COG5: variants seen among roughly 807,000 people sequenced by gnomAD.
COG5 encodes the protein conserved oligomeric Golgi complex subunit 5.
Under a neutral mutation model 110.4 loss-of-function variants are expected in COG5, and 86 were observed. The ratio of observed to expected loss-of-function variants is 0.78; its 90% CI spans 0.65 to 0.93. The LOEUF (loss-of-function observed/expected upper bound fraction) is 0.93, where lower values mean the gene tolerates loss of function less well. Ranked by LOEUF, COG5 falls within the 40% of genes least tolerant of loss-of-function variation. The pLI, the probability that COG5 is intolerant of heterozygous loss-of-function variation, is 0.00. For synonymous variants in COG5, 360 were observed against 334.6 expected, an observed-to-expected ratio of 1.08 and a Z score of -0.83; for missense variants, 1,077 against 987.0, an observed-to-expected ratio of 1.09 and a Z score of -1.22.
At chr7:107,479,205 C>T (rs1325007283) in intron 6 of COG5, among the ~76,000 whole-genome samples, 2 of 152,040 alleles carry the variant, frequency 1.3e-5, no homozygotes, top group Non-Finnish European at 2.9e-5. Context: ...AAAAACATTG[C>T]TGAATAAAGC....
chr7:107,399,604 T>C (rs1022275010), intron 7 of COG5, among the ~76,000 whole-genome samples: 4 of 152,328 alleles, frequency 2.6e-5, no homozygotes, highest in Admixed American at 1.3e-4. Context: ...TGCGGAAATA[T>C]GAGTCAATTA....
intron 6 of COG5, among the ~76,000 whole-genome samples, chr7:107,487,856 T>G (rs1365900559): frequency 6.6e-6 from 1 of 152,094 alleles, no homozygotes; most frequent in African/African-American, 2.4e-5. Flanking sequence ...ATGTCCATAA[T>G]GTAATCTTAG....
intron 12 of COG5, among the ~76,000 whole-genome samples, chr7:107,292,746 A>G (rs1374873952): frequency 1.3e-5 from 2 of 152,210 alleles, no homozygotes; most frequent in Non-Finnish European, 2.9e-5. Flanking sequence ...AGGAGAGAAG[A>G]TAAGAGTAAT....
At chr7:107,350,662 A>T (rs1398389568) in intron 10 of COG5, among the ~76,000 whole-genome samples, 2 of 152,206 alleles carry the variant, frequency 1.3e-5, no homozygotes, top group Admixed American at 6.5e-5. Context: ...CTGGTGGCTA[A>T]AACTAAAAAT....
At chr7:107,389,508 T>C (rs1790458051) in intron 7 of COG5, among the ~76,000 whole-genome samples, 2 of 152,190 alleles carry the variant, frequency 1.3e-5, no homozygotes, top group Non-Finnish European at 2.9e-5. Flanking sequence ...AACCAGGTAA[T>C]ACAATCAATG....
At chr7:107,440,179 C>T (rs747699374) in intron 6 of COG5, among the ~76,000 whole-genome samples, 11 of 152,114 alleles carry the variant, frequency 7.2e-5, no homozygotes, top group Non-Finnish European at 1.0e-4. Flanking sequence ...TTCTTTTAAT[C>T]TTCTTGAGAG....
At chr7:107,372,290 T>C (rs534816608) in intron 8 of COG5, among the ~76,000 whole-genome samples, 3 of 152,290 alleles carry the variant, frequency 2.0e-5, no homozygotes, top group Admixed American at 1.3e-4. Context: ...ATAAGGATTT[T>C]AGAAGAAAAA....
At chr7:107,279,912 G>A (rs766907426) in intron 14 of COG5, among the ~76,000 whole-genome samples, 15 of 151,978 alleles carry the variant, frequency 9.9e-5, no homozygotes, top group African/African-American at 2.7e-4. Flanking sequence ...TTTTGATTTC[G>A]TCTAAGCCTT....
intron 12 of COG5, among the ~76,000 whole-genome samples, chr7:107,292,583 G>A (rs952766195): frequency 6.6e-6 from 1 of 152,136 alleles, no homozygotes; most frequent in African/African-American, 2.4e-5. Flanking sequence ...GGCCTTTCCT[G>A]GGCCTTAAAG....
intron 6 of COG5, chr7:107,469,978 A>G (rs1290601836): frequency 6.6e-6 from 1 of 152,174 alleles, no homozygotes; most frequent in Non-Finnish European, 1.5e-5. Context: ...AGCACAGTTT[A>G]AGCCCAATAC....
chr7:107,501,347 G>A (rs530712896), intron 6 of COG5, among the ~76,000 whole-genome samples: 185 of 152,136 alleles, frequency 1.2e-3, no homozygotes, highest in Non-Finnish European at 2.1e-3. Context: ...TTACTAGTTG[G>A]AAGTACCTTA....
intron 5 of COG5, among the ~76,000 whole-genome samples, chr7:107,542,149 G>A (rs542526164): frequency 6.6e-6 from 1 of 152,014 alleles, no homozygotes; most frequent in Admixed American, 6.5e-5. Flanking sequence ...TCATAAAAGA[G>A]AACTAACCAT....
intron 6 of COG5, among the ~76,000 whole-genome samples, chr7:107,432,232 T>C (rs1015359173): frequency 1.3e-5 from 2 of 152,178 alleles, no homozygotes; most frequent in African/African-American, 4.8e-5. Flanking sequence ...AAAAAGAGTA[T>C]GACAATAATG....
intron 10 of COG5, among the ~76,000 whole-genome samples, chr7:107,348,861 T>C (rs981567861): frequency 1.3e-5 from 2 of 151,936 alleles, no homozygotes; most frequent in Non-Finnish European, 2.9e-5. Flanking sequence ...TATTAGAATT[T>C]TTCTTTTTTT....
At chr7:107,502,510 G>T (rs2129137167) in intron 6 of COG5, among the ~76,000 whole-genome samples, 1 of 152,196 alleles carries the variant, frequency 6.6e-6, no homozygotes, top group South Asian at 2.1e-4. Flanking sequence ...TTCATATAAT[G>T]ACTTCTTTTC....
intron 6 of COG5, chr7:107,473,013 CGTTT>C (rs1796730657): frequency 6.6e-6 from 1 of 151,472 alleles, no homozygotes; most frequent in African/African-American, 2.4e-5. Flanking sequence ...TTAGCAAAAG[CGTTT>C]GTATTTTTTT....
At chr7:107,299,237 A>C (rs773328244) in intron 11 of COG5, among the ~76,000 whole-genome samples, 14 of 152,076 alleles carry the variant, frequency 9.2e-5, no homozygotes, top group South Asian at 2.1e-4. Context: ...GAAACCAAAA[A>C]CTGGTTCTTT....
chr7:107,203,193 A>G lies in COG5; in HGVS notation c.*323T>C, dbSNP rs1470156512. The G allele has an allele frequency of 2.7e-6, 1 of 368,186 alleles. No homozygotes were observed. Among genetic ancestry groups the G allele is most frequent in the East Asian group, 6.4e-5 (1 of 15,504 alleles). The allele number at this position is 368,186 out of a possible 1,614,324, so 22.8% of individuals were successfully genotyped here. ...TTATAACTTGATCATATCCCTTTAAAAGAAGTGGGGACTTTGGGTTTATGT... is the reference window on the plus strand; with the variant it reads ...TTATAACTTGATCATATCCCTTTAAGAGAAGTGGGGACTTTGGGTTTATGT... On this transcript the variant is annotated 3_prime_UTR_variant, in exon 22 of 22. Coordinates refer to ENST00000297135, the MANE Select transcript of COG5 (RefSeq NM_006348.5).
In COG5 at chr7:107,474,935, T is replaced by C; in HGVS notation, c.538+52302A>G. On this transcript the variant is annotated intron_variant, in intron 6 of 21. Coordinates refer to ENST00000297135, the MANE Select transcript of COG5 (RefSeq NM_006348.5). This position sits in a 1 kb window ranked among gnomAD's most constrained non-coding sequence, Gnocchi z 5.7. ...GTAAGAACTTCAGTTTCTGTAATAA[T>C]TGCCCTCCGGCGAGCTGTGAAACGA... 3 of 1,612,964 alleles carry C rather than the reference T, an allele frequency of 1.9e-6. No homozygotes were observed. Among genetic ancestry groups the C allele is most frequent in the Non-Finnish European group, 1.7e-6 (2 of 1,179,450 alleles).
Sources: gnomAD v4.1 joint callset for allele counts (sites outside exome capture counted in the v4.1 genomes callset) on GRCh38, gnomAD v4.1.1 for gene constraint, Gnocchi (gnomAD v3.1) non-coding constraint, MANE v1.5 for transcripts, NCBI Gene and HGNC (gene_info 2026-07-23, HGNC 2026-07-21) for gene names.